The following INSIG2 variants were observed in gnomAD, a reference collection of about 807,000 sequenced individuals.
The protein encoded by INSIG2 is insulin-induced gene 2 protein.
In INSIG2, 10 loss-of-function variants were observed where a neutral mutation model predicts 27.2. The observed-to-expected ratio is 0.37, with a 90% confidence interval of 0.23 to 0.62. The LOEUF (loss-of-function observed/expected upper bound fraction) is 0.62, where lower values mean the gene tolerates loss of function less well. INSIG2 is among the 20% of genes least tolerant of loss of function. The probability of loss-of-function intolerance (pLI) is 0.65; values close to 1 mark genes in which losing one functional copy is unlikely to be tolerated. For missense variants in INSIG2, 178 were observed against 270.2 expected (o/e 0.66, Z 2.39); for synonymous variants, 97 against 95.8 (o/e 1.01, Z -0.07).
chr2:118,099,477 G>A (rs571698693), intron 2 of INSIG2, among the ~76,000 whole-genome samples: 2 of 152,206 alleles, frequency 1.3e-5, no homozygotes, highest in African/African-American at 4.8e-5. Context: ...CATATTTTTA[G>A]TTTGATAATG....
At chr2:118,094,010 A>AGATGATGATGAT (rs372312794) in intron 1 of INSIG2, among the ~76,000 whole-genome samples, 51 of 11,652 alleles carry the variant, frequency 4.4e-3, no homozygotes, top group Admixed American at 9.3e-3. Context: ...AAAAGCAACC[A>AGATGATGATGAT]GATGATGATG....
chr2:118,089,000 AG>A (rs1055298302), intron 1 of INSIG2, among the ~76,000 whole-genome samples: 2 of 152,190 alleles, frequency 1.3e-5, no homozygotes, highest in Non-Finnish European at 1.5e-5. Context: ...TAATCCACTA[AG>A]GAGATAGGGC....
At chr2:118,106,708 T>G (rs774967431) in intron 3 of INSIG2, 29 bp from the exon 4 acceptor site, 2 of 1,592,326 alleles carry the variant, frequency 1.3e-6, no homozygotes, top group Non-Finnish European at 1.7e-6. Context: ...GTTACAACTT[T>G]TAAGATGACT....
At chr2:118,107,565 C>T (rs1482034812) in intron 5 of INSIG2, among the ~76,000 whole-genome samples, 3 of 152,112 alleles carry the variant, frequency 2.0e-5, no homozygotes, top group African/African-American at 7.2e-5. Flanking sequence ...CCACCTCTAA[C>T]AAATCAAGAT....
intron 4 of INSIG2, 89 bp downstream of exon 4, chr2:118,106,992 A>G: frequency 6.6e-7 from 1 of 1,524,162 alleles, no homozygotes. Context: ...AAATGAGGTT[A>G]GCCAGTTTAA....
At chr2:118,099,625 G>A (rs1214241321) in intron 2 of INSIG2, among the ~76,000 whole-genome samples, 1 of 152,200 alleles carries the variant, frequency 6.6e-6, no homozygotes, top group African/African-American at 2.4e-5. Flanking sequence ...GATAAAATAA[G>A]TAGAGAAGTT....
At chr2:118,101,960 C>T (rs1317012755) in intron 2 of INSIG2, among the ~76,000 whole-genome samples, 2 of 152,182 alleles carry the variant, frequency 1.3e-5, no homozygotes, top group African/African-American at 2.4e-5. Context: ...TCAAATGCTG[C>T]ACCATTGGTC....
chr2:118,092,244 C>CTAACA (rs1678271422), intron 1 of INSIG2, among the ~76,000 whole-genome samples: 2 of 152,156 alleles, frequency 1.3e-5, no homozygotes, highest in Non-Finnish European at 2.9e-5. Flanking sequence ...GTGAGGGCAA[C>CTAACA]GTGCTGTGTC....
rs924017951 is a variant in INSIG2, at chr2:118,091,334, C to G, written c.-139+2793C>G. ...TCCCTTTGATGAGTCTGGTCATTTTCTGGCATTCACTATACACGTTTGTGG... is the reference window on the plus strand; with the variant it reads ...TCCCTTTGATGAGTCTGGTCATTTTGTGGCATTCACTATACACGTTTGTGG... On this transcript the variant is annotated intron_variant, in intron 1 of 5. Transcript: ENST00000245787. Among the ~76,000 whole-genome samples, 4 of 152,134 alleles carry G rather than the reference C, an allele frequency of 2.6e-5. No homozygotes were observed. In the South Asian group the frequency reaches 8.3e-4, roughly 31 times the overall value.
chr2:118,093,792 A>G, intron 1 of INSIG2, among the ~76,000 whole-genome samples: 1 of 105,578 alleles, frequency 9.5e-6, no homozygotes, highest in Non-Finnish European at 2.0e-5. Flanking sequence ...CCAGATGATG[A>G]TGTTGATGAT....
intron 1 of INSIG2, among the ~76,000 whole-genome samples, chr2:118,094,544 T>A (rs773530450): frequency 1.3e-4 from 20 of 152,204 alleles, no homozygotes; most frequent in Non-Finnish European, 2.4e-4. Flanking sequence ...TGTTTTCCCA[T>A]GAATTAGCTA....
Position 118,106,866 on chromosome 2 carries a change from G to A in INSIG2, c.499G>A (p.Val167Met), listed in dbSNP as rs768419362. 6.2e-7 allele frequency: 1 copy of A among 1,614,096 alleles called. No homozygotes were observed. Among genetic ancestry groups the A allele is most frequent in the Non-Finnish European group, 8.5e-7 (1 of 1,179,960 alleles). The stretch of plus-strand genomic sequence containing the variant: ...AGTAGGAATTGCCTTCTTGGCAACT[G>A]TGGTCACTCAACTGCTAGTATATAA... ...LGVGIAFLAT[V>M]VTQLLVYNGV... Residue 167 changes from valine (V) to methionine (M), a missense_variant, in exon 4 of 6, where the codon GTG becomes ATG. Physicochemically the swap from Val to Met is conservative, Grantham distance 21. Coordinates refer to ENST00000245787, the MANE Select transcript of INSIG2 (RefSeq NM_016133.4).
chr2:118,107,255 T>TG, intron 5 of INSIG2, 66 bp downstream of exon 5: 2 of 1,107,438 alleles, frequency 1.8e-6, no homozygotes, highest in Non-Finnish European at 2.7e-6. Flanking sequence ...TAAAAGGCAG[T>TG]CCTTTAAGGG....
At chr2:118,101,526 G>A (rs1245267734) in intron 2 of INSIG2, among the ~76,000 whole-genome samples, 1 of 152,070 alleles carries the variant, frequency 6.6e-6, no homozygotes, top group African/African-American at 2.4e-5. Context: ...TGGAATGTCT[G>A]CTCTTAGTTG....
Position 118,110,260 on chromosome 2 carries a change from A to G in INSIG2, c.*1938A>G, listed in dbSNP as rs1678780727. The G allele has an allele frequency of 6.6e-6, 1 of 152,228 alleles. No individual in the cohort carries two copies. Among genetic ancestry groups the G allele is most frequent in the Admixed American group, 6.5e-5 (1 of 15,278 alleles). 9.4% of individuals were successfully genotyped at this position (152,228 alleles called of 1,614,324 possible). A position where few individuals can be genotyped will look rare whatever the true frequency, so the allele number is the denominator to read the frequency against. On this transcript the variant is annotated 3_prime_UTR_variant, in exon 6 of 6. Coordinates refer to ENST00000245787, the MANE Select transcript of INSIG2 (RefSeq NM_016133.4). ...CTACTAATAGCCTACTCTTGATGGG[A>G]AGCCTTACCAATAAGAAACAGTTGA...
At chr2:118,105,775 C>G (rs1184157842) in intron 3 of INSIG2, among the ~76,000 whole-genome samples, 1 of 152,140 alleles carries the variant, frequency 6.6e-6, no homozygotes, top group East Asian at 1.9e-4. Context: ...TTTCTCTATA[C>G]GTGCAGCATG....
chr2:118,096,495 C>G lies in INSIG2; in HGVS notation c.-62C>G. ...AGTCTTTGATTCACAGACAGTTGAG[C>G]TTTTCAGCTGGGAAGCCTTTCCATT... On this transcript the variant is annotated 5_prime_UTR_variant, in exon 2 of 6. Coordinates refer to ENST00000245787, the MANE Select transcript of INSIG2 (RefSeq NM_016133.4). 6.5e-7 allele frequency: 1 copy of G among 1,527,558 alleles called. No homozygotes were observed. Among genetic ancestry groups the G allele is most frequent in the Non-Finnish European group, 8.8e-7 (1 of 1,141,344 alleles). 94.6% of individuals were successfully genotyped at this position (1,527,558 alleles called of 1,614,324 possible). A position where few individuals can be genotyped will look rare whatever the true frequency, so the allele number is the denominator to read the frequency against.
intron 1 of INSIG2, among the ~76,000 whole-genome samples, chr2:118,095,657 C>T (rs1045333689): frequency 2.6e-5 from 4 of 152,158 alleles, no homozygotes; most frequent in African/African-American, 9.7e-5. Flanking sequence ...GATAAAACTC[C>T]TTAGAATCTA....
intron 1 of INSIG2, among the ~76,000 whole-genome samples, chr2:118,095,808 G>A (rs1678392590): frequency 1.3e-5 from 2 of 152,168 alleles, no homozygotes; most frequent in African/African-American, 4.8e-5. Context: ...GGGAGAGTGA[G>A]TCAGGTCTGG....
Sources: gnomAD v4.1 joint callset for allele counts (sites outside exome capture counted in the v4.1 genomes callset) on GRCh38, gnomAD v4.1.1 for gene constraint, MANE v1.5 for transcripts, NCBI Gene and HGNC (gene_info 2026-07-23, HGNC 2026-07-21) for gene names.